Variants in DCX observed in about 807,000 individuals in gnomAD.
DCX encodes neuronal migration protein doublecortin.
Under a neutral mutation model 20.9 loss-of-function variants are expected in DCX, and 4 were observed. The observed-to-expected ratio is 0.19, with a 90% CI of 0.09 to 0.44. The LOEUF (loss-of-function observed/expected upper bound fraction) is 0.44. Among genes scored for constraint, DCX ranks in the 20% least tolerant of loss-of-function variants. The pLI is 0.99. For missense variants in DCX, 133 were observed against 296.9 expected (o/e 0.45, Z 4.06); for synonymous variants, 103 against 111.4 (o/e 0.92, Z 0.47).
In DCX at chrX:111,311,285, A is replaced by G. The variant is rs1328460012; in HGVS notation, c.1044+1354T>C. 5.3e-5 allele frequency among the ~76,000 whole-genome samples: 6 copies of G among 112,513 alleles called. No individual in the cohort carries two copies. The South Asian group carries it at 2.2e-3, about 42-fold the overall frequency. ...ACAATCAGAAAGTTCTGGAAGGTTCAATAGCAGAAGTTAAAGGGGCCATTA... is the reference window on the plus strand; with the variant it reads ...ACAATCAGAAAGTTCTGGAAGGTTCGATAGCAGAAGTTAAAGGGGCCATTA... On this transcript the variant is annotated intron_variant, in intron 6 of 6. Transcript: ENST00000636035.
At chrX:111,396,616 C>T (rs1927336894) in intron 3 of DCX, among the ~76,000 whole-genome samples, 1 of 112,038 alleles carries the variant, frequency 8.9e-6, no homozygotes, top group Admixed American at 9.5e-5. Flanking sequence ...ATTTGGGTCC[C>T]AGTTTTTATG....
chrX:111,397,558 T>G (rs1359728633), intron 3 of DCX, among the ~76,000 whole-genome samples: 1 of 112,028 alleles, frequency 8.9e-6, no homozygotes, highest in Admixed American at 9.5e-5. Context: ...GGCACCAACT[T>G]TCACTATACC....
intron 5 of DCX, among the ~76,000 whole-genome samples, chrX:111,318,184 C>CAAAAAAAAAAAAAAAAAAAAGGAAAA (rs2095077909): frequency 3.2e-5 from 1 of 31,597 alleles, no homozygotes; most frequent in Non-Finnish European, 6.2e-5. Context: ...GACTCGGTCT[C>CAAAAAAAAAAAAAAAAAAAAGGAAAA]AAAAAAAAAA....
chrX:111,355,363 CATTTTGTGGT>C (rs1451698674), intron 3 of DCX, among the ~76,000 whole-genome samples: 6 of 111,151 alleles, frequency 5.4e-5, no homozygotes, highest in Non-Finnish European at 9.4e-5. Flanking sequence ...AATGAATCAT[CATTTTGTGGT>C]ATTTTGTGTG....
rs976103705 is a variant in DCX, at chrX:111,297,810, G to A, written c.*3877C>T. ...CAAGACGATGGGAAGAGTGTATAGAGCACACAGCTTGCTATTTTGGTGCAA... is the reference window on the plus strand; with the variant it reads ...CAAGACGATGGGAAGAGTGTATAGAACACACAGCTTGCTATTTTGGTGCAA... On this transcript the variant is annotated 3_prime_UTR_variant, in exon 7 of 7. Coordinates refer to ENST00000636035, the MANE Select transcript of DCX (RefSeq NM_001195553.2). 8.9e-6 allele frequency: 1 copy of A among 111,782 alleles called. No homozygotes were observed. The highest frequency in any genetic ancestry group is 1.9e-5 in the Non-Finnish European group (1 of 53,207). 9.2% of individuals were successfully genotyped at this position (111,782 alleles called of 1,213,427 possible).
At chrX:111,301,913 T>C (rs759186076) in intron 6 of DCX, among the ~76,000 whole-genome samples, 170 bp from the exon 7 acceptor site, 64 of 112,094 alleles carry the variant, frequency 5.7e-4, no homozygotes, top group Non-Finnish European at 1.0e-3. Flanking sequence ...CAATGTACCC[T>C]TCATTCAATT....
At chrX:111,401,596 T>C (rs995201711) in intron 2 of DCX, among the ~76,000 whole-genome samples, 1 of 112,136 alleles carries the variant, frequency 8.9e-6, no homozygotes, top group Non-Finnish European at 1.9e-5. Context: ...CATATCTAAA[T>C]TTAATATAAC....
intron 3 of DCX, among the ~76,000 whole-genome samples, chrX:111,337,194 A>G (rs1921813938): frequency 8.9e-6 from 1 of 112,114 alleles, no homozygotes. Context: ...TATCACTTAC[A>G]GCATTACAGC....
intron 5 of DCX, among the ~76,000 whole-genome samples, chrX:111,325,459 G>GA (rs1336841412): frequency 1.8e-5 from 2 of 109,051 alleles, no homozygotes; most frequent in Non-Finnish European, 3.8e-5. Flanking sequence ...GTTCCCCAAT[G>GA]AAAAAAAAAG....
intron 3 of DCX, among the ~76,000 whole-genome samples, chrX:111,385,314 A>T (rs990534874): frequency 8.9e-6 from 1 of 112,126 alleles, no homozygotes; most frequent in Non-Finnish European, 1.9e-5. Flanking sequence ...CTGTTTAAAA[A>T]ACCTATAGCT....
chrX:111,328,417 A>T (rs1453526443), intron 5 of DCX, among the ~76,000 whole-genome samples: 1 of 111,772 alleles, frequency 8.9e-6, no homozygotes, highest in East Asian at 2.8e-4. Flanking sequence ...CTGGAGATCA[A>T]TGATTTGACA....
At chrX:111,302,630 T>C (rs1397763116) in intron 6 of DCX, among the ~76,000 whole-genome samples, 1 of 112,330 alleles carries the variant, frequency 8.9e-6, no homozygotes, top group African/African-American at 3.2e-5. Flanking sequence ...ATGTTTTTAT[T>C]ATTTTTCATT....
At chrX:111,301,879 A>G in intron 6 of DCX, 136 bp from the exon 7 acceptor site, 1 of 604,732 alleles carries the variant, frequency 1.7e-6, no homozygotes, top group Non-Finnish European at 2.7e-6. Context: ...AGTTGAAAAA[A>G]TGTACAGGGA....
At chrX:111,303,553 A>AAAACCTGTAGGC (rs761827699) in intron 6 of DCX, among the ~76,000 whole-genome samples, 4 of 111,911 alleles carry the variant, frequency 3.6e-5, no homozygotes, top group Non-Finnish European at 7.5e-5. Flanking sequence ...AAGTGACAGG[A>AAAACCTGTAGGC]AAACCTGTAG....
At chrX:111,397,502 C>T (rs953902782) in intron 3 of DCX, among the ~76,000 whole-genome samples, 1 of 111,831 alleles carries the variant, frequency 8.9e-6, no homozygotes, top group Non-Finnish European at 1.9e-5. Flanking sequence ...TTAGTGCTGT[C>T]ATCACCAGAC....
intron 3 of DCX, among the ~76,000 whole-genome samples, chrX:111,390,694 C>T (rs1926863016): frequency 9.0e-6 from 1 of 111,119 alleles, no homozygotes; most frequent in South Asian, 3.8e-4. Flanking sequence ...CATATAATTC[C>T]CCTGCTTAAA....
intron 3 of DCX, among the ~76,000 whole-genome samples, chrX:111,360,456 G>A (rs1924116791): frequency 9.0e-6 from 1 of 111,251 alleles, no homozygotes; most frequent in African/African-American, 3.3e-5. Flanking sequence ...GAAGGGTAGT[G>A]GGGGTGGGGT....
chrX:111,352,055 C>T (rs189575674), intron 3 of DCX, among the ~76,000 whole-genome samples: 254 of 111,644 alleles, frequency 2.3e-3, no homozygotes, highest in African/African-American at 7.9e-3. Flanking sequence ...GGTGATTTGC[C>T]TCCCTCCAAT....
intron 6 of DCX, among the ~76,000 whole-genome samples, chrX:111,305,256 T>A (rs1241504242): frequency 8.9e-6 from 1 of 111,736 alleles, no homozygotes. Context: ...AAATAGTAAA[T>A]GCGTAAGTAA....
Sources: gnomAD v4.1 joint callset for allele counts (sites outside exome capture counted in the v4.1 genomes callset) on GRCh38, gnomAD v4.1.1 for gene constraint, MANE v1.5 for transcripts, NCBI Gene and HGNC (gene_info 2026-07-23, HGNC 2026-07-21) for gene names.